Variants in SATB2 observed in about 807,000 individuals in gnomAD.
SATB2 encodes SATB homeobox 2.
Under a neutral mutation model 73.4 loss-of-function variants are expected in SATB2, and 1 was observed. The ratio of observed to expected loss-of-function variants is 0.01; its 90% confidence interval spans 0.00 to 0.06. SATB2 has a LOEUF of 0.06. SATB2 is among the 10% of genes least tolerant of loss of function. The probability of loss-of-function intolerance (pLI) is 1.00; values close to 1 mark genes in which losing one functional copy is unlikely to be tolerated. For synonymous variants in SATB2, 397 were observed against 367.0 expected, an observed-to-expected ratio of 1.08 and a Z score of -0.93; for missense variants, 459 against 945.8, an observed-to-expected ratio of 0.49 and a Z score of 6.75.
Position 199,276,751 on chromosome 2 carries a change from T to A in SATB2, c.1741-4079A>T, listed in dbSNP as rs1692323559. On this transcript the variant is annotated intron_variant, in intron 10 of 10. Coordinates refer to ENST00000417098, the MANE Select transcript of SATB2 (RefSeq NM_001172509.2). ...GGACCAAGGTCTTTCCAGCATTACC[T>A]TTTTCCCTTTTTTCAAAATGGGCCC... Among the ~76,000 whole-genome samples, 4 of 912 alleles carry A rather than the reference T, an allele frequency of 4.4e-3. No homozygotes were observed. The South Asian group carries it at 0.2, about 46-fold the overall frequency. The allele number at this position is 912 out of a possible 152,430, so 0.6% of individuals were successfully genotyped here.
intron 3 of SATB2, among the ~76,000 whole-genome samples, chr2:199,386,100 C>T (rs1045860910): frequency 1.3e-5 from 2 of 152,108 alleles, no homozygotes; most frequent in Non-Finnish European, 2.9e-5. Context: ...TTAATTTATA[C>T]AAGTTGAGTA....
chr2:199,301,254 T>C (rs1274470766), intron 10 of SATB2, among the ~76,000 whole-genome samples: 1 of 152,134 alleles, frequency 6.6e-6, no homozygotes, highest in South Asian at 2.1e-4. Context: ...ACTACTTGCA[T>C]GCCCACAGCA....
At chr2:199,303,533 T>G (rs1485590681) in intron 10 of SATB2, among the ~76,000 whole-genome samples, 2 of 152,220 alleles carry the variant, frequency 1.3e-5, no homozygotes, top group African/African-American at 4.8e-5. Context: ...GCTTTCATTC[T>G]TGGCATTGTA....
At chr2:199,302,674 A>G (rs1027801128) in intron 10 of SATB2, among the ~76,000 whole-genome samples, 1 of 152,222 alleles carries the variant, frequency 6.6e-6, no homozygotes, top group African/African-American at 2.4e-5. Context: ...TGAAAGAAAA[A>G]TTCTAGTAAC....
chr2:199,462,974 G>A lies in SATB2; in HGVS notation c.-141+1862C>T, dbSNP rs1015408527. 6.6e-6 allele frequency among the ~76,000 whole-genome samples: 1 copy of A among 152,340 alleles called. No homozygotes were observed. Among genetic ancestry groups the A allele is most frequent in the Admixed American group, 6.5e-5 (1 of 15,308 alleles). On this transcript the variant is annotated intron_variant, in intron 1 of 11. Transcript: ENST00000260926. This position sits in a 1 kb window ranked among gnomAD's most constrained non-coding sequence, Gnocchi z 5.9. ...GGGAGCTTTCTGCACTGGGCTTCCC[G>A]GGGTAGGAGATGGGCGTCGGGTGTG... is the stretch of plus-strand genomic sequence containing the variant.
chr2:199,367,802 CA>C (rs1187380984), intron 6 of SATB2, among the ~76,000 whole-genome samples: 1 of 152,002 alleles, frequency 6.6e-6, no homozygotes, highest in African/African-American at 2.4e-5. Flanking sequence ...GGAGTGAAAA[CA>C]AAAGAATTTT....
chr2:199,465,249 A>T (rs1692570881), upstream of SATB2: 1 of 152,224 alleles, frequency 6.6e-6, no homozygotes. Flanking sequence ...GCTTTGAGTG[A>T]AGAGTTTTCA....
At chr2:199,414,228 C>A (rs968779110) in intron 3 of SATB2, among the ~76,000 whole-genome samples, 2 of 152,148 alleles carry the variant, frequency 1.3e-5, no homozygotes. Context: ...TTGTCAAGGC[C>A]CCTCTCACAC....
intron 6 of SATB2, 91 bp downstream of exon 6, chr2:199,368,514 G>T (rs1689353894): frequency 2.6e-6 from 2 of 777,840 alleles, no homozygotes; most frequent in South Asian, 1.5e-5. Context: ...TACGTAAATT[G>T]TATCTAAAAT....
chr2:199,418,700 G>A (rs956602186), intron 3 of SATB2, among the ~76,000 whole-genome samples: 16 of 152,020 alleles, frequency 1.1e-4, no homozygotes, highest in Non-Finnish European at 1.8e-4. Flanking sequence ...TTTGTTACAC[G>A]TAATAGAAAA....
chr2:199,296,708 T>A (rs72929436), intron 10 of SATB2, among the ~76,000 whole-genome samples: 3 of 103,080 alleles, frequency 2.9e-5, no homozygotes, highest in Non-Finnish European at 6.5e-5. Context: ...TCAAACAAAC[T>A]AACAAACAAA....
At chr2:199,395,877 T>A (rs940977847) in intron 3 of SATB2, 4 of 152,188 alleles carry the variant, frequency 2.6e-5, no homozygotes, top group Non-Finnish European at 5.9e-5. Flanking sequence ...AACCACTTAA[T>A]GGGAAGCAAA....
At chr2:199,414,687 G>T (rs1690922105) in intron 3 of SATB2, among the ~76,000 whole-genome samples, 1 of 152,104 alleles carries the variant, frequency 6.6e-6, no homozygotes, top group Non-Finnish European at 1.5e-5. Context: ...AGACTCCGGT[G>T]CCAGCCTTTC....
intron 7 of SATB2, among the ~76,000 whole-genome samples, chr2:199,342,018 G>C (rs972029663): frequency 6.6e-6 from 1 of 152,156 alleles, no homozygotes; most frequent in Non-Finnish European, 1.5e-5. Flanking sequence ...GAGCTGCCCT[G>C]TTGTCATCCT....
intron 6 of SATB2, among the ~76,000 whole-genome samples, chr2:199,352,438 A>C (rs947985764): frequency 2.0e-5 from 3 of 152,230 alleles, no homozygotes; most frequent in Admixed American, 6.5e-5. Flanking sequence ...TAAGAGTCTG[A>C]ATAATGTCAG....
At chr2:199,456,437 C>T (rs912460936) in intron 1 of SATB2, among the ~76,000 whole-genome samples, 4 of 152,230 alleles carry the variant, frequency 2.6e-5, no homozygotes, top group Admixed American at 6.5e-5. Flanking sequence ...ACAGCCTAGC[C>T]CGTCCCGGGG....
intron 5 of SATB2, among the ~76,000 whole-genome samples, chr2:199,374,293 A>G (rs1406714437): frequency 3.3e-5 from 5 of 152,240 alleles, no homozygotes; most frequent in Admixed American, 3.3e-4. Context: ...CACGCTAAGT[A>G]AAGTAAACCA....
At chr2:199,362,374 G>A (rs1015923866) in intron 6 of SATB2, among the ~76,000 whole-genome samples, 3 of 112,796 alleles carry the variant, frequency 2.7e-5, no homozygotes, top group African/African-American at 1.1e-4. Context: ...CCCACCCCAC[G>A]TCAAATCTAG....
chr2:199,362,845 GA>G (rs1303397419), intron 6 of SATB2, among the ~76,000 whole-genome samples: 1 of 152,162 alleles, frequency 6.6e-6, no homozygotes, highest in Non-Finnish European at 1.5e-5. Context: ...CATGAGGCTG[GA>G]TGGATGAATA....
Sources: gnomAD v4.1 joint callset for allele counts (sites outside exome capture counted in the v4.1 genomes callset) on GRCh38, gnomAD v4.1.1 for gene constraint, Gnocchi (gnomAD v3.1) non-coding constraint, MANE v1.5 for transcripts, NCBI Gene and HGNC (gene_info 2026-07-23, HGNC 2026-07-21) for gene names.